CDC27: variants seen among roughly 807,000 people sequenced by gnomAD.
CDC27 encodes cell division cycle 27, also known as cell division cycle protein 27 homolog.
Under a neutral mutation model 109.7 loss-of-function variants are expected in CDC27, and 27 were observed. The ratio of observed to expected loss-of-function variants is 0.25; its 90% CI spans 0.18 to 0.34. The LOEUF is 0.34. CDC27 is among the 10% of genes least tolerant of loss of function. The pLI, the probability that CDC27 is intolerant of heterozygous loss-of-function variation, is 1.00. For synonymous variants in CDC27, 266 were observed against 333.9 expected, an observed-to-expected ratio of 0.80 and a Z score of 2.22; for missense variants, 579 against 960.2, an observed-to-expected ratio of 0.60 and a Z score of 5.25.
chr17:47,139,303 G>A (rs1233066780), intron 12 of CDC27, among the ~76,000 whole-genome samples: 1 of 127,616 alleles, frequency 7.8e-6, no homozygotes, highest in Non-Finnish European at 1.6e-5. Context: ...GTCTCACTCT[G>A]TCGCCCAGGC....
chr17:47,129,447 G>A lies in CDC27; in HGVS notation c.2106C>T (p.Asn702=). 6.2e-7 allele frequency: 1 copy of A among 1,610,954 alleles called. No individual in the cohort carries two copies. ...AGGCTCTGTGAAATTTGCATAGAGG[G>A]TTCTTGGGATCAATGACAATGGCTT... ...LNKAIVIDPK[N]PLCKFHRASV... Residue 702 remains asparagine, a synonymous_variant, in exon 16 of 19, where the codon AAC becomes AAT. Transcript: ENST00000066544.
chr17:47,183,580 G>GA (rs2064321281), intron 1 of CDC27, among the ~76,000 whole-genome samples: 1 of 152,092 alleles, frequency 6.6e-6, no homozygotes, highest in Non-Finnish European at 1.5e-5. Context: ...TAGATACAAG[G>GA]AAAAAGATGA....
chr17:47,134,246 C>T (rs1003006987), intron 14 of CDC27, among the ~76,000 whole-genome samples: 5 of 151,424 alleles, frequency 3.3e-5, no homozygotes, highest in African/African-American at 1.2e-4. Flanking sequence ...ACAATCAAAT[C>T]AAATCAAATC....
chr17:47,147,890 C>T (rs1347930820), intron 9 of CDC27, among the ~76,000 whole-genome samples: 1 of 136,758 alleles, frequency 7.3e-6, no homozygotes, highest in Non-Finnish European at 1.6e-5. Flanking sequence ...GACAGTGAGA[C>T]CCTGTCTCAA....
At chr17:47,187,203 A>G (rs938221988) in intron 1 of CDC27, among the ~76,000 whole-genome samples, 8 of 152,224 alleles carry the variant, frequency 5.3e-5, no homozygotes, top group African/African-American at 1.9e-4. Context: ...ATCAAAGTGT[A>G]TTACTGCTCA....
rs76772202 is a variant in CDC27 at position 47,138,736 on chromosome 17, T to A, written c.1704+3A>T. On this transcript the variant is annotated splice_donor_region_variant and intron_variant, in intron 13 of 18. Transcript: ENST00000066544. ...TATAAGCAAAGTATTTTGGTTAACATACCTCTGGCGAATTTTTATCCATGT... is the reference window on the plus strand; with the variant it reads ...TATAAGCAAAGTATTTTGGTTAACAAACCTCTGGCGAATTTTTATCCATGT... 3.2e-5 allele frequency: 52 copies of A among 1,603,298 alleles called. 1 individual carries two copies. Among genetic ancestry groups the A allele is most frequent in the Non-Finnish European group, 4.3e-5 (51 of 1,174,326 alleles).
chr17:47,160,218 C>T (rs1344743832), intron 4 of CDC27, among the ~76,000 whole-genome samples: 1 of 151,580 alleles, frequency 6.6e-6, no homozygotes, highest in South Asian at 2.1e-4. Context: ...AGCATTGCTG[C>T]CTCTCTAGCT....
At chr17:47,125,918 A>G (rs1050758979) in intron 16 of CDC27, among the ~76,000 whole-genome samples, 7 of 152,276 alleles carry the variant, frequency 4.6e-5, no homozygotes, top group African/African-American at 1.7e-4. Flanking sequence ...TTCAGAATTG[A>G]TATGTTTTCT....
At chr17:47,141,484 C>T (rs2062790858) in intron 12 of CDC27, among the ~76,000 whole-genome samples, 1 of 152,096 alleles carries the variant, frequency 6.6e-6, no homozygotes, top group Admixed American at 6.5e-5. Context: ...GCTTATAAAA[C>T]ATATTCGATG....
chr17:47,150,156 A>G (rs1039647553), intron 9 of CDC27, among the ~76,000 whole-genome samples: 1 of 152,232 alleles, frequency 6.6e-6, no homozygotes, highest in Non-Finnish European at 1.5e-5. Flanking sequence ...GAAATTGTCT[A>G]TTACTTGAAG....
At chr17:47,155,623 A>C (rs149606787) in intron 7 of CDC27, among the ~76,000 whole-genome samples, 1 of 152,258 alleles carries the variant, frequency 6.6e-6, no homozygotes, top group East Asian at 1.9e-4. Context: ...TTATACATAC[A>C]TATACTTCTA....
At chr17:47,186,010 A>G (rs1392934305) in intron 1 of CDC27, among the ~76,000 whole-genome samples, 1 of 152,218 alleles carries the variant, frequency 6.6e-6, no homozygotes, top group East Asian at 1.9e-4. Flanking sequence ...ACAGCTTCCA[A>G]CAAAGTATTA....
chr17:47,165,592 C>T (rs954376872), intron 4 of CDC27, among the ~76,000 whole-genome samples: 7 of 152,044 alleles, frequency 4.6e-5, no homozygotes, highest in African/African-American at 1.7e-4. Flanking sequence ...ATGGGATTTG[C>T]AAATATTTTC....
chr17:47,157,179 A>G, intron 6 of CDC27, 51 bp downstream of exon 6: 1 of 1,560,326 alleles, frequency 6.4e-7, no homozygotes, highest in Non-Finnish European at 8.8e-7. Context: ...AGTTCAGATC[A>G]TTCTTTGTAG....
At chr17:47,137,582 A>C (rs772425346) in intron 13 of CDC27, among the ~76,000 whole-genome samples, 4 of 152,202 alleles carry the variant, frequency 2.6e-5, no homozygotes, top group Non-Finnish European at 4.4e-5. Context: ...GTGCTTTCAT[A>C]GTCATCAAAA....
chr17:47,176,592 T>C (rs7502265), intron 2 of CDC27, among the ~76,000 whole-genome samples: 12,524 of 152,230 alleles, frequency 0.082, 591 homozygotes, highest in African/African-American at 0.12. Flanking sequence ...GGCCAAATTG[T>C]GCAGGGCTTT....
At chr17:47,181,516 A>G (rs922160775) in intron 2 of CDC27, 46 bp downstream of exon 2, 7 of 1,018,982 alleles carry the variant, frequency 6.9e-6, no homozygotes, top group African/African-American at 4.7e-5. Flanking sequence ...GGAATTTCAT[A>G]TATGTTATTC....
chr17:47,132,221 G>T, intron 15 of CDC27, 36 bp downstream of exon 15: 1 of 929,076 alleles, frequency 1.1e-6, no homozygotes, highest in Non-Finnish European at 1.7e-6. Context: ...TCAAAAGGGA[G>T]ATTAATAGAG....
chr17:47,146,530 C>G (rs2062964158), intron 9 of CDC27, among the ~76,000 whole-genome samples: 1 of 152,136 alleles, frequency 6.6e-6, no homozygotes, highest in Admixed American at 6.5e-5. Context: ...CTGGGAATAG[C>G]TCATACTTTC....
Sources: allele counts gnomAD v4.1 joint callset (sites outside exome capture counted in the v4.1 genomes callset), GRCh38; gene constraint gnomAD v4.1.1; transcripts MANE v1.5; gene names NCBI Gene and HGNC (gene_info 2026-07-23, HGNC 2026-07-21).